Variants in CENPK observed in about 807,000 individuals in gnomAD.
CENPK encodes the protein centromere protein K, also known as SoxLZ/Sox6-binding protein Solt.
A neutral mutation model predicts 40.9 loss-of-function variants in CENPK; 46 were observed. That is an observed-to-expected ratio of 1.13 (90% CI 0.89 to 1.44). The LOEUF (loss-of-function observed/expected upper bound fraction) is 1.44. Among genes scored for constraint, CENPK ranks in the 40% most tolerant of loss-of-function variants. The probability of loss-of-function intolerance (pLI) is 0.00; values close to 1 mark genes in which losing one functional copy is unlikely to be tolerated. For missense variants in CENPK, 288 were observed against 303.5 expected (o/e 0.95, Z 0.38); for synonymous variants, 107 against 104.4 (o/e 1.02, Z -0.15).
chr5:65,560,545 A>G (rs1751787749), intron 2 of CENPK, among the ~76,000 whole-genome samples: 1 of 152,236 alleles, frequency 6.6e-6, no homozygotes, highest in South Asian at 2.1e-4. Context: ...AAGGTAAACA[A>G]CAAAAACAAT....
chr5:65,514,114 A>G (rs7724998), downstream of CENPK, among the ~76,000 whole-genome samples: 357 of 151,914 alleles, frequency 2.4e-3, no homozygotes, highest in African/African-American at 8.1e-3. Context: ...AGATTTGCTA[A>G]TATTCTGTTG....
chr5:65,512,737 C>G, the CENPK span, among the ~76,000 whole-genome samples: 1 of 152,178 alleles, frequency 6.6e-6, no homozygotes, highest in Non-Finnish European at 1.5e-5. Flanking sequence ...ACCAAACCCA[C>G]AGTATCTTCA....
At position 65,563,133 on chromosome 5, in the gene CENPK, C is replaced by A. The variant is rs1343690787; in HGVS notation, c.-177G>T. ...TCACAAACTCCAGGTCGCCTAGGCGCTGCGCAGGAAGCGCTTGCCAGCCCC... is the reference window on the plus strand; with the variant it reads ...TCACAAACTCCAGGTCGCCTAGGCGATGCGCAGGAAGCGCTTGCCAGCCCC... On this transcript the variant is annotated 5_prime_UTR_variant, in exon 1 of 11. Coordinates refer to ENST00000396679, the MANE Select transcript of CENPK (RefSeq NM_022145.5). The A allele has an allele frequency of 1.0e-5, 8 of 762,732 alleles. No individual in the cohort carries two copies. Among genetic ancestry groups the A allele is most frequent in the East Asian group, 2.8e-5 (1 of 35,616 alleles). The allele number at this position is 762,732 out of a possible 1,614,324, so 47.2% of individuals were successfully genotyped here.
chr5:65,555,009 C>T (rs937464750), intron 2 of CENPK, 63 bp from the exon 3 acceptor site: 1 of 754,020 alleles, frequency 1.3e-6, no homozygotes, highest in African/African-American at 1.8e-5. Context: ...CTGCCAGATA[C>T]TCATCTAGGG....
At chr5:65,560,969 T>C (rs762643439) in intron 2 of CENPK, 1 of 152,224 alleles carries the variant, frequency 6.6e-6, no homozygotes, top group Non-Finnish European at 1.5e-5. Flanking sequence ...TAAATCTGTT[T>C]TGATATTTAA....
chr5:65,541,429 T>C (rs969096447), intron 6 of CENPK: 7 of 456,180 alleles, frequency 1.5e-5, no homozygotes, highest in Admixed American at 2.3e-5. Flanking sequence ...AATCATCATC[T>C]GCAGAATCTG....
downstream of CENPK, among the ~76,000 whole-genome samples, chr5:65,515,204 ATTT>A (rs1554102335): frequency 8.1e-6 from 1 of 124,048 alleles, no homozygotes. Context: ...TCTCAAAAAA[ATTT>A]TTTTTTTTTT....
chr5:65,514,888 T>C (rs1561603631), downstream of CENPK, among the ~76,000 whole-genome samples: 1 of 152,226 alleles, frequency 6.6e-6, no homozygotes, highest in Non-Finnish European at 1.5e-5. Flanking sequence ...TGTCCTAATG[T>C]TCACAAGAAG....
intron 2 of CENPK, among the ~76,000 whole-genome samples, chr5:65,560,127 T>G (rs1751705941): frequency 6.6e-6 from 1 of 152,020 alleles, no homozygotes; most frequent in African/African-American, 2.4e-5. Flanking sequence ...CAAAACTAAG[T>G]AAAATCTTTA....
intron 6 of CENPK, 67 bp downstream of exon 6, chr5:65,542,735 G>A (rs2150452702): frequency 8.4e-7 from 1 of 1,185,612 alleles, no homozygotes; most frequent in East Asian, 2.4e-5. Flanking sequence ...CTTATGCCAT[G>A]AACTTATCTA....
At chr5:65,519,302 TGAGAATC>T (rs964663268) in intron 10 of CENPK, among the ~76,000 whole-genome samples, 6 of 152,206 alleles carry the variant, frequency 3.9e-5, no homozygotes, top group African/African-American at 1.4e-4. Context: ...TAATGTGGAT[TGAGAATC>T]AGCTGTCTTT....
chr5:65,510,464 G>A, the CENPK span, among the ~76,000 whole-genome samples: 1,441 of 152,200 alleles, frequency 9.5e-3, 34 homozygotes, highest in African/African-American at 0.031. Flanking sequence ...TGGGTCACGA[G>A]GACTGTGCTC....
intron 6 of CENPK, among the ~76,000 whole-genome samples, chr5:65,539,093 T>A (rs928814204): frequency 6.6e-6 from 1 of 152,248 alleles, no homozygotes; most frequent in Non-Finnish European, 1.5e-5. Context: ...ATTTTAACCT[T>A]ATGAACTGAC....
chr5:65,527,931 T>C (rs1322653752), intron 9 of CENPK, among the ~76,000 whole-genome samples: 1 of 152,078 alleles, frequency 6.6e-6, no homozygotes, highest in Non-Finnish European at 1.5e-5. Flanking sequence ...GGATATAACA[T>C]AAGAAATATA....
At chr5:65,529,401 AAG>A in intron 6 of CENPK, 1 of 470,966 alleles carries the variant, frequency 2.1e-6, no homozygotes, top group Non-Finnish European at 3.7e-6. Flanking sequence ...TAAAAAATAC[AAG>A]AGGTTTTGAG....
intron 6 of CENPK, among the ~76,000 whole-genome samples, chr5:65,542,426 C>G (rs1287703806): frequency 6.6e-6 from 1 of 152,172 alleles, no homozygotes; most frequent in Non-Finnish European, 1.5e-5. Flanking sequence ...ATCACGAAGT[C>G]AGGAGTTCAA....
chr5:65,514,432 TTTTTTAGTA>T (rs1200473857), downstream of CENPK, among the ~76,000 whole-genome samples: 2 of 151,636 alleles, frequency 1.3e-5, no homozygotes, highest in African/African-American at 4.8e-5. Flanking sequence ...GCCTGGCTAA[TTTTTTAGTA>T]TTTTTAGTAG....
chr5:65,500,326 C>A, the CENPK span, among the ~76,000 whole-genome samples: 8 of 127,768 alleles, frequency 6.3e-5, no homozygotes, highest in African/African-American at 2.1e-4. Context: ...CCTCTCCAGC[C>A]CCTGTTGTTT....
chr5:65,514,571 A>G (rs957900829), downstream of CENPK, among the ~76,000 whole-genome samples: 1 of 151,930 alleles, frequency 6.6e-6, no homozygotes, highest in Non-Finnish European at 1.5e-5. Context: ...AGCCTCACAG[A>G]GTGTGTTAAA....
Sources: allele counts gnomAD v4.1 joint callset (sites outside exome capture counted in the v4.1 genomes callset), GRCh38; gene constraint gnomAD v4.1.1; transcripts MANE v1.5; gene names NCBI Gene and HGNC (gene_info 2026-07-23, HGNC 2026-07-21).